FBLN2: variants seen among roughly 807,000 people sequenced by gnomAD.
The protein encoded by FBLN2 is fibulin-2.
FBLN2 carries 81 observed loss-of-function variants against 123.7 expected under a neutral mutation model. The observed-to-expected ratio is 0.65, with a 90% CI of 0.55 to 0.79. The LOEUF is 0.79. Ranked by LOEUF, FBLN2 falls within the 30% of genes least tolerant of loss-of-function variation. The pLI, the probability that FBLN2 is intolerant of heterozygous loss-of-function variation, is 0.00. For synonymous variants in FBLN2, 699 were observed against 701.4 expected (o/e 1.00, Z 0.05); for missense variants, 1,603 against 1,681.3 (o/e 0.95, Z 0.81).
intron 1 of FBLN2, among the ~76,000 whole-genome samples, chr3:13,560,241 CT>C (rs906765326): frequency 6.6e-6 from 1 of 151,668 alleles, no homozygotes; most frequent in Non-Finnish European, 1.5e-5. Context: ...CTTGTTTTTT[CT>C]TTTTTTTAGG....
chr3:13,627,584 G>A (rs1265733493), intron 10 of FBLN2, among the ~76,000 whole-genome samples: 2 of 152,162 alleles, frequency 1.3e-5, no homozygotes, highest in Non-Finnish European at 2.9e-5. Flanking sequence ...GGGGTTTAAG[G>A]AAATAAATCC....
intron 2 of FBLN2, among the ~76,000 whole-genome samples, chr3:13,583,433 G>A (rs1306647437): frequency 6.6e-6 from 1 of 152,326 alleles, no homozygotes; most frequent in African/African-American, 2.4e-5. Context: ...CCCCTGCACC[G>A]GGCACTTCCA....
At chr3:13,559,263 A>C (rs1488102638) in intron 1 of FBLN2, among the ~76,000 whole-genome samples, 5 of 143,976 alleles carry the variant, frequency 3.5e-5, no homozygotes, top group Non-Finnish European at 7.7e-5. Context: ...AAAGGGGTTC[A>C]TGTCATTGTG....
chr3:13,583,412 C>T (rs1704400076), intron 2 of FBLN2, among the ~76,000 whole-genome samples: 1 of 152,244 alleles, frequency 6.6e-6, no homozygotes, highest in Non-Finnish European at 1.5e-5. Flanking sequence ...TTTGCCAACC[C>T]CTGACTTGGC....
At chr3:13,626,691 G>T (rs946768440) in intron 10 of FBLN2, 112 bp downstream of exon 10, 4 of 1,101,780 alleles carry the variant, frequency 3.6e-6, no homozygotes, top group African/African-American at 3.3e-5. Context: ...GCCTGGCCAC[G>T]CCCCTCTCCA....
intron 2 of FBLN2, among the ~76,000 whole-genome samples, chr3:13,602,366 C>T (rs1257072798): frequency 1.3e-5 from 2 of 152,126 alleles, no homozygotes; most frequent in South Asian, 4.1e-4. Context: ...AGAAAGTCTA[C>T]CTTCTCTGTT....
intron 2 of FBLN2, among the ~76,000 whole-genome samples, chr3:13,589,885 A>G (rs1457548105): frequency 6.6e-6 from 1 of 152,152 alleles, no homozygotes; most frequent in Admixed American, 6.5e-5. Flanking sequence ...TAAAGTTTCT[A>G]TTGAAGCATA....
At chr3:13,586,387 G>T (rs1173580842) in intron 2 of FBLN2, among the ~76,000 whole-genome samples, 1 of 151,604 alleles carries the variant, frequency 6.6e-6, no homozygotes, top group African/African-American at 2.4e-5. Flanking sequence ...GTTACACCAT[G>T]TTGGTCAGGC....
intron 2 of FBLN2, among the ~76,000 whole-genome samples, chr3:13,595,976 A>G (rs1329424155): frequency 1.3e-5 from 2 of 152,214 alleles, no homozygotes; most frequent in African/African-American, 4.8e-5. Flanking sequence ...TAATCCATGC[A>G]TATCCATGTA....
At chr3:13,626,332 C>A in intron 9 of FBLN2, 113 bp from the exon 10 acceptor site, 1 of 1,149,452 alleles carries the variant, frequency 8.7e-7, no homozygotes, top group Non-Finnish European at 1.2e-6. Flanking sequence ...TGGTGAGCTC[C>A]CTGAGGGCAG....
At chr3:13,563,987 A>G (rs992960475) in intron 1 of FBLN2, among the ~76,000 whole-genome samples, 5 of 152,196 alleles carry the variant, frequency 3.3e-5, no homozygotes, top group African/African-American at 1.2e-4. Flanking sequence ...AACGATGCCA[A>G]TGGGAAGGGA....
chr3:13,572,245 C>T (rs1412544811), intron 2 of FBLN2, among the ~76,000 whole-genome samples: 2 of 152,202 alleles, frequency 1.3e-5, no homozygotes, highest in Non-Finnish European at 2.9e-5. Flanking sequence ...GCCATTTGAG[C>T]AGGGGCGCTG....
Position 13,626,539 on chromosome 3 carries a change from C to A in FBLN2, c.2391C>A (p.Thr797=), listed in dbSNP as rs1706046400. 1 of 1,554,822 alleles carries A rather than the reference C, an allele frequency of 6.4e-7. No individual in the cohort carries two copies. Among genetic ancestry groups the A allele is most frequent in the Non-Finnish European group, 8.7e-7 (1 of 1,148,936 alleles). The part of the protein sequence containing the change: ...LGSFHCYKAL[T]CEPGYALKDG... ...CCTTCCACTGCTACAAGGCACTCAC[C>A]TGTGAGCCAGGCTATGCCCTCAAGG... Residue 797 remains threonine, a synonymous_variant, in exon 10 of 18, where the codon ACC becomes ACA. Coordinates refer to ENST00000404922, the MANE Select transcript of FBLN2 (RefSeq NM_001004019.2).
At chr3:13,562,952 G>A (rs931086665) in intron 1 of FBLN2, among the ~76,000 whole-genome samples, 15 of 152,152 alleles carry the variant, frequency 9.9e-5, no homozygotes, top group African/African-American at 3.4e-4. Flanking sequence ...GTTGCAGCAC[G>A]GGTCAGAATG....
chr3:13,637,717 C>G lies in FBLN2; in HGVS notation c.3494C>G (p.Ala1165Gly), dbSNP rs763164040. Residue 1165 changes from alanine (A) to glycine (G), a missense_variant, in exon 18 of 18, where the codon GCC (alanine) becomes GGC (glycine). Coordinates refer to ENST00000404922, the MANE Select transcript of FBLN2 (RefSeq NM_001004019.2). ...CCAGCCTTCACGGGGGACACCATCGCCCTGAACATCATCAAGGGCAATGAG... is the reference window on the plus strand; with the variant it reads ...CCAGCCTTCACGGGGGACACCATCGGCCTGAACATCATCAAGGGCAATGAG... ...PAPAFTGDTI[A>G]LNIIKGNEEG... 2.5e-6 allele frequency: 4 copies of G among 1,614,014 alleles called. No individual in the cohort carries two copies. In the East Asian group the frequency reaches 8.9e-5, roughly 36 times the overall value.
intron 4 of FBLN2, 155 bp from the exon 5 acceptor site, chr3:13,613,829 A>G (rs928894904): frequency 1.1e-5 from 8 of 712,366 alleles, no homozygotes; most frequent in Non-Finnish European, 1.5e-5. Flanking sequence ...GACTTGGGAA[A>G]TAGAGGCAGA....
intron 2 of FBLN2, among the ~76,000 whole-genome samples, chr3:13,593,572 G>A (rs527297034): frequency 2.0e-5 from 3 of 152,116 alleles, no homozygotes; most frequent in African/African-American, 7.2e-5. Context: ...AAATTAGCCG[G>A]GCGTGGTGGT....
chr3:13,591,461 C>G (rs1159161113), intron 2 of FBLN2, among the ~76,000 whole-genome samples: 1 of 152,124 alleles, frequency 6.6e-6, no homozygotes, highest in African/African-American at 2.4e-5. Context: ...ACAAATGGCC[C>G]CTAGACATCT....
intron 5 of FBLN2, 151 bp from the exon 6 acceptor site, chr3:13,617,925 C>CCCAT (rs1405526064): frequency 1.5e-5 from 10 of 673,350 alleles, no homozygotes; most frequent in Non-Finnish European, 2.6e-5. Flanking sequence ...CACCCACCCA[C>CCCAT]CCATCCATCC....
Sources: gnomAD v4.1 joint callset for allele counts (sites outside exome capture counted in the v4.1 genomes callset) on GRCh38, gnomAD v4.1.1 for gene constraint, MANE v1.5 for transcripts, NCBI Gene and HGNC (gene_info 2026-07-23, HGNC 2026-07-21) for gene names.